Variants in RGS7 observed in about 807,000 individuals in gnomAD.
RGS7 encodes the protein regulator of G-protein signaling 7.
In RGS7, 27 loss-of-function variants were observed where a neutral mutation model predicts 81.1. That is an observed-to-expected ratio of 0.33 (90% CI 0.25 to 0.46). The LOEUF (loss-of-function observed/expected upper bound fraction) is 0.46. Among genes scored for constraint, RGS7 ranks in the 20% least tolerant of loss-of-function variants. The pLI, the probability that RGS7 is intolerant of heterozygous loss-of-function variation, is 1.00. For synonymous variants in RGS7, 208 were observed against 207.7 expected (o/e 1.00, Z -0.01); for missense variants, 396 against 607.4 (o/e 0.65, Z 3.66).
chr1:240,889,453 C>T (rs982617438), intron 6 of RGS7, among the ~76,000 whole-genome samples: 1 of 152,058 alleles, frequency 6.6e-6, no homozygotes, highest in Non-Finnish European at 1.5e-5. Context: ...GAGGTTATGT[C>T]AGGGCTGAGC....
At chr1:241,104,466 T>C (rs906159097) in intron 2 of RGS7, among the ~76,000 whole-genome samples, 1 of 149,370 alleles carries the variant, frequency 6.7e-6, no homozygotes, top group South Asian at 2.1e-4. Flanking sequence ...GCAAAGGCTA[T>C]GTAAGCTATG....
chr1:241,228,663 TC>T (rs1175895717), intron 2 of RGS7, among the ~76,000 whole-genome samples: 1 of 152,064 alleles, frequency 6.6e-6, no homozygotes, highest in East Asian at 1.9e-4. Flanking sequence ...TAAAGGCAGA[TC>T]CAGGAAAAGA....
intron 2 of RGS7, among the ~76,000 whole-genome samples, chr1:241,176,702 C>T (rs1249018591): frequency 6.6e-6 from 1 of 152,008 alleles, no homozygotes; most frequent in Non-Finnish European, 1.5e-5. Flanking sequence ...AATGGTGGGC[C>T]TTGGATATGG....
intron 2 of RGS7, among the ~76,000 whole-genome samples, chr1:241,211,453 G>A (rs1027870905): frequency 3.3e-5 from 5 of 152,118 alleles, no homozygotes; most frequent in Non-Finnish European, 5.9e-5. Context: ...ACCTGTCACC[G>A]TCACCGTAGC....
rs77850189 is a variant in RGS7 at position 240,869,442 on chromosome 1, G to T, written c.451-590C>A. Among the ~76,000 whole-genome samples, 1,320 of 152,314 alleles carry T rather than the reference G, an allele frequency of 8.7e-3. 17 individuals are homozygous for T. The highest frequency in any genetic ancestry group is 0.03 in the African/African-American group (1,228 of 41,568). The stretch of plus-strand genomic sequence containing the variant: ...GGGTAAATGGTCTTTAATCCTCAGA[G>T]TTTGGATATCTTCACTATGTAGGAT... On this transcript the variant is annotated intron_variant, in intron 7 of 18. Transcript: ENST00000440928.
At chr1:241,089,787 C>T (rs1017315304) in intron 3 of RGS7, among the ~76,000 whole-genome samples, 1 of 151,870 alleles carries the variant, frequency 6.6e-6, no homozygotes, top group East Asian at 1.9e-4. Context: ...GGGCAGATCA[C>T]GAGGTCAGGA....
chr1:241,180,272 G>A (rs973404420), intron 2 of RGS7, among the ~76,000 whole-genome samples: 1 of 152,130 alleles, frequency 6.6e-6, no homozygotes, highest in African/African-American at 2.4e-5. Context: ...CTACTCGGGA[G>A]GCTGAGGCAG....
chr1:241,207,226 C>G (rs963320287), intron 2 of RGS7, among the ~76,000 whole-genome samples: 5 of 149,876 alleles, frequency 3.3e-5, no homozygotes, highest in African/African-American at 7.3e-5. Context: ...CTCGGCCTCC[C>G]AAAGTCTCTT....
Position 241,163,197 on chromosome 1 carries a change from C to G in RGS7, c.79-64435G>C, listed in dbSNP as rs10157816. 6.6e-6 allele frequency among the ~76,000 whole-genome samples: 1 copy of G among 152,254 alleles called. No individual in the cohort carries two copies. The highest frequency in any genetic ancestry group is 6.5e-5 in the Admixed American group (1 of 15,288). On this transcript the variant is annotated intron_variant, in intron 2 of 18. Coordinates refer to ENST00000440928, the MANE Select transcript of RGS7 (RefSeq NM_001364886.1). This position sits in a 1 kb window ranked among gnomAD's most constrained non-coding sequence, Gnocchi z 4.6. ...CCAGGAAACGGGGCCTGAAGCAAGA[C>G]TTGGCAGTGACCTCCTAACTTTATC...
chr1:241,082,086 C>T (rs572171528), intron 3 of RGS7, among the ~76,000 whole-genome samples: 1 of 152,282 alleles, frequency 6.6e-6, no homozygotes, highest in South Asian at 2.1e-4. Flanking sequence ...TAGAGTTATT[C>T]AGAAGACAAA....
At chr1:241,290,994 C>T (rs2079058432) in intron 2 of RGS7, among the ~76,000 whole-genome samples, 1 of 152,190 alleles carries the variant, frequency 6.6e-6, no homozygotes, top group South Asian at 2.1e-4. Flanking sequence ...GCAGAGTGAA[C>T]ACTCACATTT....
In RGS7 at chr1:240,880,675, A is replaced by T. The variant is rs188039915; in HGVS notation, c.386-10556T>A. Among the ~76,000 whole-genome samples the T allele has an allele frequency of 1.6e-4, 24 of 152,232 alleles. No homozygotes were observed. In the East Asian group the frequency reaches 3.5e-3, roughly 22 times the overall value. ...GGGAAAGCCTTTCTGCCCTCCCAGG[A>T]CCCACTTATTTCCAGCCCTCATGCA... On this transcript the variant is annotated intron_variant, in intron 6 of 18. Transcript: ENST00000440928.
intron 2 of RGS7, among the ~76,000 whole-genome samples, chr1:241,146,578 C>G (rs1558127479): frequency 6.6e-6 from 1 of 152,180 alleles, no homozygotes; most frequent in South Asian, 2.1e-4. Context: ...AAGAGCTGAC[C>G]TCTGACTATA....
At chr1:240,895,251 CTTTTTTCTTT>C (rs1668869999) in intron 6 of RGS7, among the ~76,000 whole-genome samples, 1 of 151,908 alleles carries the variant, frequency 6.6e-6, no homozygotes, top group Non-Finnish European at 1.5e-5. Flanking sequence ...AATTAAACCT[CTTTTTTCTTT>C]CTTTTTCTTT....
chr1:241,062,440 A>G (rs908974865), intron 3 of RGS7, among the ~76,000 whole-genome samples: 1 of 152,194 alleles, frequency 6.6e-6, no homozygotes, highest in African/African-American at 2.4e-5. Context: ...CCAACATCAG[A>G]TTACCGGTGA....
At chr1:241,145,921 A>C (rs2068278656) in intron 2 of RGS7, among the ~76,000 whole-genome samples, 1 of 152,166 alleles carries the variant, frequency 6.6e-6, no homozygotes, top group Non-Finnish European at 1.5e-5. Context: ...TTCCATTTTG[A>C]GGAAGATACA....
chr1:240,800,762 C>T (rs1234832607), intron 17 of RGS7, 41 bp from the exon 18 acceptor site: 8 of 1,279,320 alleles, frequency 6.3e-6, no homozygotes, highest in South Asian at 1.3e-5. Context: ...TTTGAGCTTA[C>T]ACAATGTCAG....
intron 9 of RGS7, among the ~76,000 whole-genome samples, chr1:240,837,497 A>G (rs1457085677): frequency 6.6e-6 from 1 of 152,212 alleles, no homozygotes; most frequent in African/African-American, 2.4e-5. Flanking sequence ...GATTTGCATT[A>G]TACTGTTCCT....
chr1:241,215,059 A>C (rs1386932779), intron 2 of RGS7, among the ~76,000 whole-genome samples: 3 of 152,204 alleles, frequency 2.0e-5, no homozygotes, highest in African/African-American at 7.2e-5. Context: ...AATAATTTTT[A>C]GAGTGCCCTG....
Sources: gnomAD v4.1 joint callset for allele counts (sites outside exome capture counted in the v4.1 genomes callset) on GRCh38, gnomAD v4.1.1 for gene constraint, Gnocchi (gnomAD v3.1) non-coding constraint, MANE v1.5 for transcripts, NCBI Gene and HGNC (gene_info 2026-07-23, HGNC 2026-07-21) for gene names.